FER1L5: variants seen among roughly 807,000 people sequenced by gnomAD.
FER1L5 encodes fer-1-like protein 5.
Under a neutral mutation model 279.9 loss-of-function variants are expected in FER1L5, and 187 were observed. The ratio of observed to expected loss-of-function variants is 0.67; its 90% CI spans 0.59 to 0.75. The LOEUF is 0.75. Ranked by LOEUF, FER1L5 falls within the 30% of genes least tolerant of loss-of-function variation. The pLI is 0.00. For synonymous variants in FER1L5, 921 were observed against 989.7 expected, an observed-to-expected ratio of 0.93 and a Z score of 1.30; for missense variants, 2,091 against 2,594.4, an observed-to-expected ratio of 0.81 and a Z score of 4.21.
chr2:96,667,858 G>A (rs1356864207), intron 14 of FER1L5, among the ~76,000 whole-genome samples: 1 of 151,918 alleles, frequency 6.6e-6, no homozygotes, highest in Non-Finnish European at 1.5e-5. Context: ...TATGCAATTA[G>A]GGGACTTTTT....
chr2:96,693,569 C>T lies in FER1L5; in HGVS notation c.3356C>T (p.Ala1119Val). 6.4e-7 allele frequency: 1 copy of T among 1,551,672 alleles called. No homozygotes were observed. Among genetic ancestry groups the T allele is most frequent in the Non-Finnish European group, 8.7e-7 (1 of 1,146,980 alleles). ...SQCTQTLRSS[A>V]GPTWAQTLIF... ...TGCACCCAAACCCTGAGGAGCTCTG[C>T]AGGCCCCACATGGGCCCAGACACTC... Residue 1119 changes from alanine to valine, a missense_variant, in exon 32 of 53, where the codon GCA becomes GTA. By Grantham distance (64) the Ala-to-Val change is moderately conservative (BLOSUM62 0). Coordinates refer to ENST00000624922, the MANE Select transcript of FER1L5 (RefSeq NM_001293083.2).
At chr2:96,668,375 T>C (rs1404593664) in intron 14 of FER1L5, among the ~76,000 whole-genome samples, 1 of 150,396 alleles carries the variant, frequency 6.6e-6, no homozygotes, top group Non-Finnish European at 1.5e-5. Flanking sequence ...AAAAAAAAAA[T>C]TGTTTTTAAT....
chr2:96,650,088 G>A (rs1392335203), intron 5 of FER1L5, 92 bp from the exon 6 acceptor site: 2 of 973,646 alleles, frequency 2.1e-6, no homozygotes, highest in East Asian at 5.3e-5. Context: ...GTCAGGAGAT[G>A]GTCACTGGGG....
At chr2:96,651,380 C>T (rs923043162) in intron 6 of FER1L5, among the ~76,000 whole-genome samples, 2 of 148,130 alleles carry the variant, frequency 1.4e-5, no homozygotes, top group African/African-American at 5.0e-5. Flanking sequence ...TTCCTTCTTT[C>T]CTTTCTTTTC....
intron 24 of FER1L5, 138 bp downstream of exon 24, chr2:96,688,085 A>G: frequency 8.5e-7 from 1 of 1,179,154 alleles, no homozygotes; most frequent in South Asian, 1.5e-5. Context: ...CCCTGCACTG[A>G]AGAGGAAGAA....
chr2:96,696,454 G>A (rs530266092), intron 37 of FER1L5, among the ~76,000 whole-genome samples: 6 of 152,084 alleles, frequency 3.9e-5, no homozygotes, highest in South Asian at 4.2e-4. Context: ...CACCACGCAC[G>A]GCTAATTTTT....
chr2:96,654,082 G>A, intron 8 of FER1L5: 1 of 294,980 alleles, frequency 3.4e-6, no homozygotes, highest in Non-Finnish European at 6.2e-6. Context: ...ACAGGGCTAA[G>A]GAGAACAAAG....
At chr2:96,671,106 C>CAAAAAAAGAAAAAAA (rs2076309842) in intron 18 of FER1L5, among the ~76,000 whole-genome samples, 1 of 40,222 alleles carries the variant, frequency 2.5e-5, no homozygotes, top group Admixed American at 4.2e-4. Context: ...GACTCCATCT[C>CAAAAAAAGAAAAAAA]AAAAAAAAAA....
chr2:96,673,829 G>C (rs2076416001), intron 19 of FER1L5, among the ~76,000 whole-genome samples: 1 of 152,198 alleles, frequency 6.6e-6, no homozygotes, highest in African/African-American at 2.4e-5. Flanking sequence ...ATAACCTGGG[G>C]AAGAGGCCCC....
chr2:96,657,311 G>A (rs1268487555), intron 9 of FER1L5, among the ~76,000 whole-genome samples: 1 of 151,948 alleles, frequency 6.6e-6, no homozygotes, highest in African/African-American at 2.4e-5. Context: ...CTGGCTTCAA[G>A]TGATCCGCCC....
chr2:96,669,028 T>A lies in FER1L5; in HGVS notation c.1268-15T>A. ...TCGTCCTGCGCCCGACCCTTCTCAC[T>A]CTCTCTCCTTCCAGGAGTGTACTCC... On this transcript the variant is annotated splice_polypyrimidine_tract_variant and intron_variant, in intron 16 of 52. Transcript: ENST00000624922. 6.4e-7 allele frequency: 1 copy of A among 1,551,414 alleles called. No individual in the cohort carries two copies. Among genetic ancestry groups the A allele is most frequent in the South Asian group, 1.2e-5 (1 of 84,050 alleles).
At chr2:96,696,025 ACTCGT>A (rs1166782320) in intron 36 of FER1L5, 22 bp from the exon 37 acceptor site, 28 of 1,613,452 alleles carry the variant, frequency 1.7e-5, no homozygotes, top group Non-Finnish European at 2.3e-5. Context: ...CCATCCTGAG[ACTCGT>A]CCCTGCGCTC....
At chr2:96,659,416 T>TCCTTTCTTTC (rs1193138247) in intron 9 of FER1L5, among the ~76,000 whole-genome samples, 1 of 6,876 alleles carries the variant, frequency 1.5e-4, no homozygotes, top group Non-Finnish European at 2.3e-4. Context: ...TTTCTTTCTT[T>TCCTTTCTTTC]CTTTCTTTCT....
At chr2:96,680,182 C>T (rs1553456730) in intron 19 of FER1L5, among the ~76,000 whole-genome samples, 1 of 152,002 alleles carries the variant, frequency 6.6e-6, no homozygotes, top group Non-Finnish European at 1.5e-5. Flanking sequence ...TTGCTGAAAA[C>T]TGAGTTATTT....
chr2:96,690,482 T>G lies in FER1L5; in HGVS notation c.2641-5T>G. The G allele has an allele frequency of 6.4e-7, 1 of 1,551,278 alleles. No individual in the cohort carries two copies. Among genetic ancestry groups the G allele is most frequent in the Non-Finnish European group, 8.7e-7 (1 of 1,146,826 alleles). ...CCCTCGCTCGCCCTCTCTGTCCACC[T>G]GCAGAATGGACAGCCCATGGAGGCC... On this transcript the variant is annotated splice_polypyrimidine_tract_variant and splice_region_variant and intron_variant, in intron 26 of 52. Transcript: ENST00000624922.
At chr2:96,660,872 T>C (rs935847490) in intron 10 of FER1L5, among the ~76,000 whole-genome samples, 2 of 152,242 alleles carry the variant, frequency 1.3e-5, no homozygotes, top group Non-Finnish European at 2.9e-5. Context: ...TTTATAGTAA[T>C]AGCATTTTTC....
rs1442277496 is a variant in FER1L5 at position 96,691,285 on chromosome 2, G to C, written c.2839G>C (p.Ala947Pro). Reference protein sequence around the residue: ...TYHSCRRRRWARVRFRNHGEL... With the variant: ...TYHSCRRRRWPRVRFRNHGEL... ...CCACTCGTGCCGCCGCCGGCGCTGGGCGCGTGTGCGCTTCAGGAACCATGG... is the reference window on the plus strand; with the variant it reads ...CCACTCGTGCCGCCGCCGGCGCTGGCCGCGTGTGCGCTTCAGGAACCATGG... The change falls in exon 28 of 53, where the codon GCG becomes CCG. Residue 947 changes from alanine to proline, a missense_variant. Physicochemically the swap from Ala to Pro is conservative, Grantham distance 27. Transcript: ENST00000624922. The surrounding 1 kb of genome is among the most constrained non-coding windows in gnomAD (Gnocchi z 6.0). 6.4e-7 allele frequency: 1 copy of C among 1,550,538 alleles called. No homozygotes were observed. Among genetic ancestry groups the C allele is most frequent in the South Asian group, 1.2e-5 (1 of 84,054 alleles).
At chr2:96,674,308 C>T (rs953612139) in intron 19 of FER1L5, among the ~76,000 whole-genome samples, 4 of 152,094 alleles carry the variant, frequency 2.6e-5, no homozygotes, top group Non-Finnish European at 5.9e-5. Context: ...CTGCAACCTC[C>T]GCCTCCCGGG....
intron 31 of FER1L5, among the ~76,000 whole-genome samples, chr2:96,692,744 G>C (rs571922646): frequency 8.5e-5 from 13 of 152,160 alleles, no homozygotes; most frequent in Non-Finnish European, 1.5e-4. Flanking sequence ...GCTCCAGCCT[G>C]GTCCTTATTG....
Sources: allele counts gnomAD v4.1 joint callset (sites outside exome capture counted in the v4.1 genomes callset), GRCh38; gene constraint gnomAD v4.1.1; non-coding constraint Gnocchi (gnomAD v3.1); transcripts MANE v1.5; gene names NCBI Gene and HGNC (gene_info 2026-07-23, HGNC 2026-07-21).